Variants in FBXL20 observed in about 807,000 individuals in gnomAD.
The protein encoded by FBXL20 is F-box and leucine rich repeat protein 20.
FBXL20 carries 11 observed loss-of-function variants against 64.0 expected under a neutral mutation model. That is an observed-to-expected ratio of 0.17 (90% CI 0.11 to 0.28). The LOEUF is 0.28. Among genes scored for constraint, FBXL20 ranks in the 10% least tolerant of loss-of-function variants. The pLI is 1.00. For synonymous variants in FBXL20, 184 were observed against 189.0 expected, an observed-to-expected ratio of 0.97 and a Z score of 0.22; for missense variants, 303 against 526.2, an observed-to-expected ratio of 0.58 and a Z score of 4.15.
At chr17:39,341,408 C>T (rs8079560) in intron 2 of FBXL20, among the ~76,000 whole-genome samples, 56,292 of 151,942 alleles carry the variant, frequency 0.37, 13,122 homozygotes, top group African/African-American at 0.66. Flanking sequence ...AGATAAAATA[C>T]CTCCAGTGTC....
chr17:39,278,176 C>T (rs1249171570), intron 9 of FBXL20, among the ~76,000 whole-genome samples: 6 of 152,224 alleles, frequency 3.9e-5, no homozygotes, highest in Middle Eastern at 3.4e-3. Context: ...GACAGAGTCT[C>T]GCTCTGCTGC....
chr17:39,372,516 C>CAAAAAAAAAA (rs747264126), intron 1 of FBXL20, among the ~76,000 whole-genome samples: 2 of 41,162 alleles, frequency 4.9e-5, no homozygotes, highest in Non-Finnish European at 9.8e-5. Context: ...AGACTCTGAC[C>CAAAAAAAAAA]AAAAAAAAAA....
intron 1 of FBXL20, among the ~76,000 whole-genome samples, chr17:39,381,014 G>T (rs534464254): frequency 6.6e-6 from 1 of 152,098 alleles, no homozygotes; most frequent in South Asian, 2.1e-4. Flanking sequence ...ACAAAAACTA[G>T]CAGGGCGTGG....
intron 14 of FBXL20, 66 bp from the exon 15 acceptor site, chr17:39,261,633 T>A (rs2046746275): frequency 2.2e-5 from 26 of 1,208,622 alleles, no homozygotes; most frequent in Non-Finnish European, 3.1e-5. Flanking sequence ...ATGTTGGTTC[T>A]TAGAAAAACT....
chr17:39,291,606 C>T (rs1438670763), intron 6 of FBXL20, among the ~76,000 whole-genome samples: 2 of 150,810 alleles, frequency 1.3e-5, no homozygotes, highest in South Asian at 2.1e-4. Context: ...GCTAATTTTT[C>T]GAATTTTTAG....
At chr17:39,402,097 C>G (rs573309110), upstream of FBXL20, 12 of 1,197,642 alleles carry the variant, frequency 1.0e-5, no homozygotes, top group Middle Eastern at 3.2e-4. Flanking sequence ...CGTCGCCCCT[C>G]GTCACTTGTT....
chr17:39,286,564 T>A (rs552506624), intron 6 of FBXL20, among the ~76,000 whole-genome samples: 4 of 152,152 alleles, frequency 2.6e-5, no homozygotes, highest in Non-Finnish European at 4.4e-5. Context: ...CTTGGGAGGC[T>A]GAGGTGGGTG....
intron 2 of FBXL20, among the ~76,000 whole-genome samples, chr17:39,317,580 G>C (rs2047305523): frequency 6.7e-6 from 1 of 149,800 alleles, no homozygotes; most frequent in African/African-American, 2.4e-5. Flanking sequence ...ATAATATGGT[G>C]ATTATAAAGA....
At chr17:39,315,152 C>T (rs767956956) in intron 2 of FBXL20, among the ~76,000 whole-genome samples, 68 of 151,320 alleles carry the variant, frequency 4.5e-4, no homozygotes, top group Non-Finnish European at 9.3e-4. Context: ...AGGCTGGTCT[C>T]GAATTCCTGA....
At chr17:39,402,209 G>C (rs2048254913), upstream of FBXL20, 1 of 1,232,148 alleles carries the variant, frequency 8.1e-7, no homozygotes, top group Non-Finnish European at 1.0e-6. Context: ...GGCGGTCCCT[G>C]CTCGGAGCCA....
chr17:39,274,493 C>T (rs923928246), intron 10 of FBXL20, among the ~76,000 whole-genome samples: 3 of 152,108 alleles, frequency 2.0e-5, no homozygotes, highest in African/African-American at 7.2e-5. Context: ...ACACAGCATT[C>T]TTCAAACTGA....
intron 1 of FBXL20, among the ~76,000 whole-genome samples, chr17:39,394,019 T>G (rs1410393630): frequency 6.6e-6 from 1 of 152,166 alleles, no homozygotes; most frequent in African/African-American, 2.4e-5. Context: ...AAACCACAGT[T>G]GGATGCCTTG....
Position 39,261,405 on chromosome 17 carries a change from TAGCTCTAGA to T in FBXL20, c.*46_*54del. On this transcript the variant is annotated 3_prime_UTR_variant, in exon 15 of 15. Transcript: ENST00000264658. ...TGCTTCCACTGGAGAGACTCCACGGTAGCTCTAGAAGTGTCATTAAATACTCAGTTCGCC... is the reference window on the plus strand; with the variant it reads ...TGCTTCCACTGGAGAGACTCCACGGTAGTGTCATTAAATACTCAGTTCGCC... The T allele has an allele frequency of 7.1e-7, 1 of 1,400,768 alleles. No homozygotes were observed. The highest frequency in any genetic ancestry group is 1.0e-6 in the Non-Finnish European group (1 of 986,648). The allele number at this position is 1,400,768 out of a possible 1,614,324, so 86.8% of individuals were successfully genotyped here. A position where few individuals can be genotyped will look rare whatever the true frequency, so the allele number is the denominator to read the frequency against.
chr17:39,284,356 A>G (rs1157683609), intron 7 of FBXL20, among the ~76,000 whole-genome samples: 1 of 152,216 alleles, frequency 6.6e-6, no homozygotes, highest in African/African-American at 2.4e-5. Context: ...GCCACATTTT[A>G]GATTATTTAT....
chr17:39,392,291 T>C (rs1404689552), intron 1 of FBXL20, among the ~76,000 whole-genome samples: 1 of 150,888 alleles, frequency 6.6e-6, no homozygotes, highest in Non-Finnish European at 1.5e-5. Flanking sequence ...AACACAAAAA[T>C]TAGTTGGGCA....
At chr17:39,358,391 T>C (rs2047762180) in intron 1 of FBXL20, among the ~76,000 whole-genome samples, 1 of 152,114 alleles carries the variant, frequency 6.6e-6, no homozygotes, top group African/African-American at 2.4e-5. Context: ...CTTCTCAAGA[T>C]GGCATATAAG....
At chr17:39,367,749 GA>G (rs765464858) in intron 1 of FBXL20, among the ~76,000 whole-genome samples, 61 of 151,700 alleles carry the variant, frequency 4.0e-4, no homozygotes, top group Non-Finnish European at 7.1e-4. Context: ...TCTATTTATT[GA>G]AAGATTATTT....
At chr17:39,352,441 C>T (rs1223736394) in intron 1 of FBXL20, among the ~76,000 whole-genome samples, 4 of 151,752 alleles carry the variant, frequency 2.6e-5, no homozygotes, top group Admixed American at 6.6e-5. Flanking sequence ...CCAGCACTTT[C>T]GGAGGCTGAG....
At chr17:39,398,596 T>C (rs1046947558) in intron 1 of FBXL20, among the ~76,000 whole-genome samples, 3 of 152,060 alleles carry the variant, frequency 2.0e-5, no homozygotes, top group East Asian at 3.8e-4. Context: ...AAATAGAGAT[T>C]CTTTATTCAG....
Sources: allele counts gnomAD v4.1 joint callset (sites outside exome capture counted in the v4.1 genomes callset), GRCh38; gene constraint gnomAD v4.1.1; transcripts MANE v1.5; gene names NCBI Gene and HGNC (gene_info 2026-07-23, HGNC 2026-07-21).